PIK3CB: variants seen among roughly 807,000 people sequenced by gnomAD.
PIK3CB encodes phosphatidylinositol 4,5-bisphosphate 3-kinase catalytic subunit beta isoform.
Under a neutral mutation model 136.8 loss-of-function variants are expected in PIK3CB, and 39 were observed. The ratio of observed to expected loss-of-function variants is 0.29; its 90% CI spans 0.22 to 0.37. The LOEUF (loss-of-function observed/expected upper bound fraction) is 0.37, where lower values mean the gene tolerates loss of function less well. Ranked by LOEUF, PIK3CB falls within the 10% of genes least tolerant of loss-of-function variation. PIK3CB has a pLI of 1.00. For missense variants in PIK3CB, 868 were observed against 1,275.4 expected (o/e 0.68, Z 4.87); for synonymous variants, 428 against 436.6 (o/e 0.98, Z 0.25).
At chr3:138,671,237 C>T (rs80285407) in intron 19 of PIK3CB, among the ~76,000 whole-genome samples, 5 of 152,048 alleles carry the variant, frequency 3.3e-5, no homozygotes, top group Admixed American at 6.5e-5. Context: ...ATATTACTTA[C>T]GAGAAGAACT....
chr3:138,757,191 G>T (rs1318837164), intron 3 of PIK3CB, among the ~76,000 whole-genome samples: 1 of 152,054 alleles, frequency 6.6e-6, no homozygotes, highest in Non-Finnish European at 1.5e-5. Context: ...AGATCATGAG[G>T]TCAAGAAATC....
chr3:138,714,490 G>T lies in PIK3CB; in HGVS notation c.1280C>A (p.Thr427Asn). The change falls in exon 9 of 24, where the codon ACC becomes AAC. Residue 427 changes from threonine to asparagine, a missense_variant. This residue lies in a region of PIK3CB where 612 missense variants were observed against 801.1 expected (regional missense o/e 0.76). Transcript: ENST00000674063. ...TKTINPSKYQTIRKAGKVHYP... is the reference protein window; with the variant it reads ...TKTINPSKYQNIRKAGKVHYP... ...TACCACTTTTCCAGCTTTCCTGATG[G>T]TCTGATATTTAGAGGGATTAATAGT... 6.2e-7 allele frequency: 1 copy of T among 1,609,052 alleles called. No individual in the cohort carries two copies. Among genetic ancestry groups the T allele is most frequent in the Non-Finnish European group, 8.5e-7 (1 of 1,176,200 alleles).
intron 2 of PIK3CB, among the ~76,000 whole-genome samples, chr3:138,760,444 G>A (rs546942233): frequency 2.1e-4 from 32 of 152,010 alleles, no homozygotes; most frequent in Non-Finnish European, 4.6e-4. Context: ...CAAAACAAAC[G>A]CACTATCCCA....
At chr3:138,655,609 G>T in intron 23 of PIK3CB, 83 bp from the exon 24 acceptor site, 1 of 1,076,788 alleles carries the variant, frequency 9.3e-7, no homozygotes, top group Non-Finnish European at 1.4e-6. Context: ...GGCTGGATTG[G>T]TTGTGCCTCC....
intron 8 of PIK3CB, among the ~76,000 whole-genome samples, chr3:138,731,309 T>C (rs2044967628): frequency 6.6e-6 from 1 of 151,968 alleles, no homozygotes; most frequent in Non-Finnish European, 1.5e-5. Context: ...TGGAAGGCAG[T>C]GACACAATCT....
intron 1 of PIK3CB, among the ~76,000 whole-genome samples, chr3:138,801,400 A>T (rs1434768042): frequency 5.3e-5 from 8 of 152,112 alleles, no homozygotes; most frequent in Non-Finnish European, 1.2e-4. Flanking sequence ...CTATATTCAA[A>T]GTTGTAAGAA....
intron 8 of PIK3CB, among the ~76,000 whole-genome samples, chr3:138,726,311 G>A (rs2044835754): frequency 6.6e-6 from 1 of 152,188 alleles, no homozygotes. Flanking sequence ...GTAGGCTGGG[G>A]TTCCCCTTTA....
chr3:138,691,284 T>C, intron 14 of PIK3CB, 141 bp from the exon 15 acceptor site: 2 of 686,424 alleles, frequency 2.9e-6, no homozygotes, highest in Non-Finnish European at 4.9e-6. Flanking sequence ...TCCTTCACTG[T>C]ACCACTGTTA....
chr3:138,829,391 G>A (rs990958658), intron 1 of PIK3CB, among the ~76,000 whole-genome samples: 1 of 152,212 alleles, frequency 6.6e-6, no homozygotes, highest in Non-Finnish European at 1.5e-5. Flanking sequence ...GAAAAATAGA[G>A]TAAGAACAGA....
chr3:138,759,148 A>C, intron 3 of PIK3CB, 25 bp downstream of exon 3: 1 of 1,485,766 alleles, frequency 6.7e-7, no homozygotes, highest in Non-Finnish European at 9.3e-7. Context: ...TGCTAAACAC[A>C]TAGAAATTAT....
At chr3:138,827,435 G>C (rs1032821170) in intron 1 of PIK3CB, among the ~76,000 whole-genome samples, 1 of 151,814 alleles carries the variant, frequency 6.6e-6, no homozygotes, top group African/African-American at 2.4e-5. Context: ...CAGGAAGATG[G>C]CTTGAGGCCA....
intron 4 of PIK3CB, among the ~76,000 whole-genome samples, chr3:138,751,971 T>TAAA (rs11328258): frequency 6.1e-5 from 7 of 114,640 alleles, no homozygotes; most frequent in African/African-American, 1.0e-4. Flanking sequence ...ACTCTGTATA[T>TAAA]AAAAAAAAAA....
intron 2 of PIK3CB, among the ~76,000 whole-genome samples, chr3:138,765,128 T>A (rs1411494712): frequency 6.6e-6 from 1 of 152,188 alleles, no homozygotes; most frequent in African/African-American, 2.4e-5. Context: ...GAGACCAGCC[T>A]GGCCAACATG....
intron 16 of PIK3CB, among the ~76,000 whole-genome samples, chr3:138,686,023 G>C (rs1347082124): frequency 6.6e-6 from 1 of 152,010 alleles, no homozygotes; most frequent in East Asian, 1.9e-4. Flanking sequence ...TGTAATCCCA[G>C]CTACTCAGGA....
intron 19 of PIK3CB, among the ~76,000 whole-genome samples, chr3:138,674,641 AT>A (rs2043607200): frequency 6.6e-6 from 1 of 152,224 alleles, no homozygotes; most frequent in South Asian, 2.1e-4. Flanking sequence ...CATGGCACAC[AT>A]ACAGGAAAAA....
intron 11 of PIK3CB, among the ~76,000 whole-genome samples, chr3:138,705,170 A>C (rs1182625582): frequency 5.3e-5 from 5 of 94,572 alleles, no homozygotes; most frequent in African/African-American, 1.3e-4. Context: ...AAAAAAAAAA[A>C]AAACAAAAAA....
intron 1 of PIK3CB, among the ~76,000 whole-genome samples, chr3:138,812,015 CAA>C (rs1371422173): frequency 6.6e-6 from 1 of 151,936 alleles, no homozygotes; most frequent in Non-Finnish European, 1.5e-5. Flanking sequence ...TGCTTGAGCT[CAA>C]GAGTTTGAGG....
At chr3:138,800,534 C>T (rs1559883558) in intron 1 of PIK3CB, among the ~76,000 whole-genome samples, 1 of 149,218 alleles carries the variant, frequency 6.7e-6, no homozygotes, top group South Asian at 2.1e-4. Context: ...CCAGGCTGGT[C>T]TCAAACTCCA....
chr3:138,750,358 A>G (rs569432398), intron 4 of PIK3CB, among the ~76,000 whole-genome samples: 1 of 148,796 alleles, frequency 6.7e-6, no homozygotes, highest in African/African-American at 2.4e-5. Flanking sequence ...ATGCAATAGA[A>G]TGGGGGTGGG....
Sources: allele counts gnomAD v4.1 joint callset (sites outside exome capture counted in the v4.1 genomes callset), GRCh38; gene constraint gnomAD v4.1.1; regional missense constraint gnomAD v4.1.1; transcripts MANE v1.5; gene names NCBI Gene and HGNC (gene_info 2026-07-23, HGNC 2026-07-21).